Variants in GMPS observed in about 807,000 individuals in gnomAD.
GMPS encodes GMP synthase [glutamine-hydrolyzing].
Under a neutral mutation model 77.9 loss-of-function variants are expected in GMPS, and 15 were observed. That is an observed-to-expected ratio of 0.19 (90% confidence interval 0.13 to 0.30). GMPS has a LOEUF of 0.30. Among genes scored for constraint, GMPS ranks in the 10% least tolerant of loss-of-function variants. The pLI, the probability that GMPS is intolerant of heterozygous loss-of-function variation, is 1.00. For synonymous variants in GMPS, 224 were observed against 275.9 expected (o/e 0.81, Z 1.86); for missense variants, 590 against 838.8 (o/e 0.70, Z 3.66).
At chr3:155,870,959 G>A (rs1206346323) in intron 1 of GMPS, 62 bp downstream of exon 1, 1 of 1,384,368 alleles carries the variant, frequency 7.2e-7, no homozygotes, top group Non-Finnish European at 9.4e-7. Flanking sequence ...GGACCGGGGA[G>A]CCACCCCGCG....
At chr3:155,924,635 TA>T (rs1175015597) in intron 11 of GMPS, among the ~76,000 whole-genome samples, 1 of 150,998 alleles carries the variant, frequency 6.6e-6, no homozygotes, top group Non-Finnish European at 1.5e-5. Flanking sequence ...GGAGTAAGAG[TA>T]AAAAATGGGT....
chr3:155,943,646 A>G lies in GMPS; in HGVS notation c.*5954A>G, dbSNP rs147125314. ...GCAATGTCTATTTTGTGTTGTAACA[A>G]TGTTGCCATAAAATAGCTTTGCTAA... On this transcript the variant is annotated 3_prime_UTR_variant, in exon 16 of 16. Coordinates refer to ENST00000496455, the MANE Select transcript of GMPS (RefSeq NM_003875.3). 851 of 176,982 alleles carry G rather than the reference A, an allele frequency of 4.8e-3. 4 individuals carry two copies. The highest frequency in any genetic ancestry group is 6.1e-3 in the Non-Finnish European group (500 of 82,130). The allele number at this position is 176,982 out of a possible 1,614,324, so 11.0% of individuals were successfully genotyped here.
In GMPS at chr3:155,870,793, C is replaced by G. The variant is rs975644910; in HGVS notation, c.-78C>G. 1.9e-5 allele frequency: 19 copies of G among 982,832 alleles called. No homozygotes were observed. Among genetic ancestry groups the G allele is most frequent in the East Asian group, 9.2e-5 (3 of 32,588 alleles). The allele number at this position is 982,832 out of a possible 1,614,324, so 60.9% of individuals were successfully genotyped here. On this transcript the variant is annotated 5_prime_UTR_variant, in exon 1 of 16. Coordinates refer to ENST00000496455, the MANE Select transcript of GMPS (RefSeq NM_003875.3). ...AGGCCTCCTTCTCAACCTCAGCCCG[C>G]GGCGCCGACCCTTCCGGCACCCTCC...
At chr3:155,882,918 T>C (rs1754243398) in intron 1 of GMPS, among the ~76,000 whole-genome samples, 1 of 152,198 alleles carries the variant, frequency 6.6e-6, no homozygotes, top group Admixed American at 6.5e-5. Flanking sequence ...TTATTTCCAA[T>C]GGTGCAATTA....
At chr3:155,900,236 CTTCTT>C (rs934226877) in intron 3 of GMPS, among the ~76,000 whole-genome samples, 1 of 151,980 alleles carries the variant, frequency 6.6e-6, no homozygotes, top group African/African-American at 2.4e-5. Flanking sequence ...GTAAAAGCCT[CTTCTT>C]TCCTTTCAAA....
At chr3:155,912,097 A>G (rs975627049) in intron 7 of GMPS, among the ~76,000 whole-genome samples, 9 of 152,216 alleles carry the variant, frequency 5.9e-5, no homozygotes, top group African/African-American at 1.4e-4. Flanking sequence ...TAATGAAATG[A>G]GGTCAGTAGT....
At chr3:155,931,631 A>G in intron 12 of GMPS, 134 bp from the exon 13 acceptor site, 1 of 494,446 alleles carries the variant, frequency 2.0e-6, no homozygotes, top group South Asian at 2.8e-5. Flanking sequence ...AAAATCCATT[A>G]ATAATGTCAC....
At chr3:155,921,945 C>G (rs983945401) in intron 10 of GMPS, among the ~76,000 whole-genome samples, 9 of 152,220 alleles carry the variant, frequency 5.9e-5, no homozygotes, top group East Asian at 3.9e-4. Context: ...CAGACTAAAA[C>G]GTATGCATAA....
intron 1 of GMPS, among the ~76,000 whole-genome samples, chr3:155,891,802 T>C (rs552820852): frequency 2.3e-4 from 35 of 152,066 alleles, no homozygotes; most frequent in Non-Finnish European, 3.5e-4. Context: ...GGCAGGGTTT[T>C]TCCATGTTGG....
At chr3:155,899,207 AAAAATAC>A (rs1285684398) in intron 3 of GMPS, among the ~76,000 whole-genome samples, 1 of 152,088 alleles carries the variant, frequency 6.6e-6, no homozygotes, top group Non-Finnish European at 1.5e-5. Flanking sequence ...CGTCTCTACT[AAAAATAC>A]AAAATTAGCT....
chr3:155,881,727 G>A (rs941095852), intron 1 of GMPS, among the ~76,000 whole-genome samples: 3 of 152,160 alleles, frequency 2.0e-5, no homozygotes, highest in African/African-American at 7.2e-5. Flanking sequence ...CACTCATGAT[G>A]TTCTCATGGT....
At position 155,908,310 on chromosome 3, in the gene GMPS, C is replaced by G. The variant is rs149683581; in HGVS notation, c.526+2047C>G. On this transcript the variant is annotated intron_variant, in intron 5 of 15. Coordinates refer to ENST00000496455, the MANE Select transcript of GMPS (RefSeq NM_003875.3). ...CCTTTGCAGGAGGGAGGAGCCTGGC[C>G]TTTCCTGTTCCTGTGTGGTGACCTC... Among the ~76,000 whole-genome samples the G allele has an allele frequency of 3.3e-3, 500 of 152,330 alleles. 4 individuals carry two copies. Among genetic ancestry groups the G allele is most frequent in the African/African-American group, 0.011 (458 of 41,580 alleles).
chr3:155,887,966 CT>C (rs1754374955), intron 1 of GMPS, among the ~76,000 whole-genome samples: 1 of 152,078 alleles, frequency 6.6e-6, no homozygotes, highest in South Asian at 2.1e-4. Flanking sequence ...CAGAGTCTTA[CT>C]TTTTGATTTA....
At chr3:155,874,905 T>TG (rs1754004795) in intron 1 of GMPS, among the ~76,000 whole-genome samples, 2 of 137,872 alleles carry the variant, frequency 1.5e-5, no homozygotes, top group Admixed American at 1.4e-4. Context: ...TGTTTTCTTT[T>TG]TTTTTTTTTT....
chr3:155,907,244 G>T (rs1289323319), intron 5 of GMPS, among the ~76,000 whole-genome samples: 1 of 152,138 alleles, frequency 6.6e-6, no homozygotes, highest in Non-Finnish European at 1.5e-5. Flanking sequence ...AAACATTCGA[G>T]TACCTATTAT....
chr3:155,925,632 CTAAA>C (rs1021411423), intron 12 of GMPS, among the ~76,000 whole-genome samples: 5 of 152,084 alleles, frequency 3.3e-5, no homozygotes, highest in African/African-American at 1.2e-4. Flanking sequence ...GTTAATGGAA[CTAAA>C]TAGTCAGGCT....
intron 1 of GMPS, among the ~76,000 whole-genome samples, chr3:155,892,412 G>A (rs1285613737): frequency 1.3e-5 from 2 of 152,026 alleles, no homozygotes; most frequent in Non-Finnish European, 2.9e-5. Context: ...AACCAGACGA[G>A]TACAATGAAC....
chr3:155,939,665 T>C lies in GMPS; in HGVS notation c.*1973T>C, dbSNP rs62287807. 0.058 allele frequency: 11,179 copies of C among 191,658 alleles called. 465 individuals are homozygous for C. The highest frequency in any genetic ancestry group is 0.17 in the South Asian group (892 of 5,174). The allele number at this position is 191,658 out of a possible 1,614,324, so 11.9% of individuals were successfully genotyped here. A position where few individuals can be genotyped will look rare whatever the true frequency, so the allele number is the denominator to read the frequency against. On this transcript the variant is annotated 3_prime_UTR_variant, in exon 16 of 16. Transcript: ENST00000496455. ...ACCTTTTATATAATCCCTTCTAATATATACTTAGTATATACTTAATATAAT... is the reference window on the plus strand; with the variant it reads ...ACCTTTTATATAATCCCTTCTAATACATACTTAGTATATACTTAATATAAT...
Position 155,919,248 on chromosome 3 carries a change from C to T in GMPS, c.1228C>T (p.Pro410Ser). The change falls in exon 10 of 16, where the codon CCT (proline) becomes TCT (serine). Residue 410 changes from proline (P) to serine (S), a missense_variant. By Grantham distance (74) the Pro-to-Ser change is moderately conservative. Coordinates refer to ENST00000496455, the MANE Select transcript of GMPS (RefSeq NM_003875.3). ...CTCCCTGTAGGGAAAAGTAATAGAA[C>T]CTCTGAAAGATTTTCATAAAGATGA... The part of the protein sequence containing the change: ...KLREEGKVIE[P>S]LKDFHKDEVR... The T allele has an allele frequency of 6.4e-7, 1 of 1,557,258 alleles. No individual in the cohort carries two copies.
Sources: gnomAD v4.1 joint callset for allele counts (sites outside exome capture counted in the v4.1 genomes callset) on GRCh38, gnomAD v4.1.1 for gene constraint, MANE v1.5 for transcripts, NCBI Gene and HGNC (gene_info 2026-07-23, HGNC 2026-07-21) for gene names.